Variants in CCDC6 observed in about 807,000 individuals in gnomAD.
CCDC6 encodes the protein coiled-coil domain containing 6, also known as coiled-coil domain-containing protein 6.
CCDC6 carries 20 observed loss-of-function variants against 56.6 expected under a neutral mutation model. That is an observed-to-expected ratio of 0.35 (90% CI 0.25 to 0.51). The LOEUF (loss-of-function observed/expected upper bound fraction) is 0.51. Among genes scored for constraint, CCDC6 ranks in the 20% least tolerant of loss-of-function variants. The pLI, the probability that CCDC6 is intolerant of heterozygous loss-of-function variation, is 0.95. For missense variants in CCDC6, 367 were observed against 601.1 expected (o/e 0.61, Z 4.07); for synonymous variants, 241 against 234.4 (o/e 1.03, Z -0.26).
Position 59,791,699 on chromosome 10 carries a change from G to A in CCDC6, c.*1218C>T, listed in dbSNP as rs545033607. ...ACCAAAGTACAAAACAGCAACTGCT[G>A]AAAAACAAAAATTAAGATGTTGCAC... On this transcript the variant is annotated 3_prime_UTR_variant, in exon 9 of 9. Transcript: ENST00000263102. 2 of 211,972 alleles carry A rather than the reference G, an allele frequency of 9.4e-6. No individual in the cohort carries two copies. The highest frequency in any genetic ancestry group is 1.9e-4 in the South Asian group (1 of 5,346). The allele number at this position is 211,972 out of a possible 1,614,324, so 13.1% of individuals were successfully genotyped here.
intron 1 of CCDC6, among the ~76,000 whole-genome samples, chr10:59,870,565 A>G (rs2071219579): frequency 8.1e-6 from 1 of 123,938 alleles, no homozygotes; most frequent in Non-Finnish European, 1.7e-5. Context: ...CTCTTTTTGA[A>G]AAGAGGACTC....
chr10:59,792,997 T>C lies in CCDC6; in HGVS notation c.1345A>G (p.Met449Val). ...GCTGCTGAGGGGACCGTGGGCTGCA[T>C]GGGTGGCGGAGGTGGAGGCGGAGGT... ...QPPPPPPPPP[M>V]QPTVPSAATS... The change falls in exon 9 of 9, where the codon ATG becomes GTG. Residue 449 changes from methionine to valine, a missense_variant. Coordinates refer to ENST00000263102, the MANE Select transcript of CCDC6 (RefSeq NM_005436.5). 1 of 1,613,086 alleles carries C rather than the reference T, an allele frequency of 6.2e-7. No homozygotes were observed. Among genetic ancestry groups the C allele is most frequent in the African/African-American group, 1.3e-5 (1 of 74,996 alleles).
intron 7 of CCDC6, among the ~76,000 whole-genome samples, chr10:59,796,474 A>T (rs933236034): frequency 2.6e-5 from 4 of 152,176 alleles, no homozygotes; most frequent in Non-Finnish European, 5.9e-5. Context: ...ACGGAGAAAA[A>T]ATCCTTATAC....
chr10:59,836,677 CA>C (rs2070885633), intron 2 of CCDC6, among the ~76,000 whole-genome samples: 1 of 152,184 alleles, frequency 6.6e-6, no homozygotes. Flanking sequence ...TCAACAAATA[CA>C]TTTTTTATAT....
intron 1 of CCDC6, among the ~76,000 whole-genome samples, chr10:59,863,103 C>CA (rs576371456): frequency 1.3e-5 from 2 of 151,222 alleles, no homozygotes; most frequent in South Asian, 2.1e-4. Flanking sequence ...AAAGAAGCTG[C>CA]AAAAAAAATA....
intron 7 of CCDC6, among the ~76,000 whole-genome samples, chr10:59,797,659 TGAGA>T (rs373439987): frequency 9.2e-5 from 10 of 108,842 alleles, no homozygotes; most frequent in East Asian, 3.3e-4. Flanking sequence ...CATGAGTGAG[TGAGA>T]GAGAGAGAGA....
chr10:59,866,043 A>G (rs975833590), intron 1 of CCDC6, among the ~76,000 whole-genome samples: 1 of 151,978 alleles, frequency 6.6e-6, no homozygotes, highest in Non-Finnish European at 1.5e-5. Flanking sequence ...ACGCCCCATA[A>G]TAAGTTCCCA....
Position 59,906,547 on chromosome 10 carries a change from G to T in CCDC6, c.-123C>A. 1 of 813,420 alleles carries T rather than the reference G, an allele frequency of 1.2e-6. No individual in the cohort carries two copies. The highest frequency in any genetic ancestry group is 1.8e-6 in the Non-Finnish European group (1 of 559,340). The allele number at this position is 813,420 out of a possible 1,614,324, so 50.4% of individuals were successfully genotyped here. A position where few individuals can be genotyped will look rare whatever the true frequency, so the allele number is the denominator to read the frequency against. Reference sequence around the variant, plus strand: ...GCGCCGAGCTGAGCGCCTGGCACCAGGGCGCAGACTCGGAGCGGCGGCGAG... The same window carrying T: ...GCGCCGAGCTGAGCGCCTGGCACCATGGCGCAGACTCGGAGCGGCGGCGAG... On this transcript the variant is annotated 5_prime_UTR_variant, in exon 1 of 9. In the 5' UTR this introduces an upstream ATG that the reference lacks. Coordinates refer to ENST00000263102, the MANE Select transcript of CCDC6 (RefSeq NM_005436.5).
At position 59,812,062 on chromosome 10, in the gene CCDC6, CAA is replaced by C. The variant is rs142710534; in HGVS notation, c.847+571_847+572del. Among the ~76,000 whole-genome samples, 208 of 121,102 alleles carry C rather than the reference CAA, an allele frequency of 1.7e-3. 1 individual carries two copies. The highest frequency in any genetic ancestry group is 3.6e-3 in the African/African-American group (123 of 34,542). 79.4% of individuals were successfully genotyped at this position (121,102 alleles called of 152,430 possible). ...GTTCAAAAAAATAAATTTGAATAGC[CAA>C]AAAAAAAAAAAAAAAAAACCACAAA... On this transcript the variant is annotated intron_variant, in intron 5 of 8. Transcript: ENST00000263102.
At chr10:59,905,398 A>G (rs540547801) in intron 1 of CCDC6, among the ~76,000 whole-genome samples, 1 of 152,350 alleles carries the variant, frequency 6.6e-6, no homozygotes, top group East Asian at 1.9e-4. Flanking sequence ...CCTCTGGCTC[A>G]GCCAGGGAGT....
intron 7 of CCDC6, among the ~76,000 whole-genome samples, chr10:59,803,075 G>C (rs1030001816): frequency 6.6e-6 from 1 of 152,178 alleles, no homozygotes; most frequent in African/African-American, 2.4e-5. Context: ...AAAATTGAGA[G>C]GCAGCTAGAA....
intron 6 of CCDC6, chr10:59,805,504 T>C (rs2070613514): frequency 6.6e-6 from 1 of 152,234 alleles, no homozygotes; most frequent in Admixed American, 6.5e-5. Flanking sequence ...TGCTTCACTA[T>C]TGACACTGCA....
chr10:59,899,814 C>T (rs1282379853), intron 1 of CCDC6, among the ~76,000 whole-genome samples: 1 of 152,164 alleles, frequency 6.6e-6, no homozygotes, highest in East Asian at 1.9e-4. Flanking sequence ...AAAATGTTAT[C>T]AGGAACACCC....
At chr10:59,885,091 A>G (rs760148482) in intron 1 of CCDC6, among the ~76,000 whole-genome samples, 1 of 151,878 alleles carries the variant, frequency 6.6e-6, no homozygotes, top group South Asian at 2.1e-4. Flanking sequence ...GAAAGGAAAG[A>G]AAGGAAGGAA....
Position 59,880,656 on chromosome 10 carries a change from A to T in CCDC6, c.303+25466T>A, listed in dbSNP as rs545002624. ...TGTGTATAAGTTATACTCCAAAAAA[A>T]GTTTTTAAAAGGAAAAGATAAAGTG... On this transcript the variant is annotated intron_variant, in intron 1 of 8. Coordinates refer to ENST00000263102, the MANE Select transcript of CCDC6 (RefSeq NM_005436.5). 2.6e-5 allele frequency among the ~76,000 whole-genome samples: 4 copies of T among 152,320 alleles called. No individual in the cohort carries two copies. In the East Asian group the frequency reaches 5.8e-4, roughly 22 times the overall value.
At chr10:59,889,624 G>A (rs1472371791) in intron 1 of CCDC6, among the ~76,000 whole-genome samples, 1 of 152,160 alleles carries the variant, frequency 6.6e-6, no homozygotes, top group Non-Finnish European at 1.5e-5. Flanking sequence ...GCAAGGTACA[G>A]GTGACCTCTG....
chr10:59,820,538 T>G (rs997270994), intron 3 of CCDC6, among the ~76,000 whole-genome samples: 2 of 152,200 alleles, frequency 1.3e-5, no homozygotes, highest in East Asian at 3.9e-4. Flanking sequence ...GAACACAGTT[T>G]GCCAGGCACT....
intron 1 of CCDC6, among the ~76,000 whole-genome samples, chr10:59,853,679 G>A (rs1032402205): frequency 3.3e-5 from 5 of 152,184 alleles, no homozygotes; most frequent in African/African-American, 1.2e-4. Flanking sequence ...ATCTAGGGGT[G>A]AAGGGTAAAG....
chr10:59,868,052 A>G (rs1322546234), intron 1 of CCDC6, among the ~76,000 whole-genome samples: 4 of 152,224 alleles, frequency 2.6e-5, no homozygotes, highest in African/African-American at 9.6e-5. Context: ...GCTTTGTTAC[A>G]GGCGTGTCCT....
Sources: gnomAD v4.1 joint callset for allele counts (sites outside exome capture counted in the v4.1 genomes callset) on GRCh38, gnomAD v4.1.1 for gene constraint, MANE v1.5 for transcripts, NCBI Gene and HGNC (gene_info 2026-07-23, HGNC 2026-07-21) for gene names.